PCDH11Y: variants seen among roughly 807,000 people sequenced by gnomAD.
PCDH11Y encodes protocadherin-11 Y-linked.
For synonymous variants in PCDH11Y, 9 were observed against 83.6 expected, an observed-to-expected ratio of 0.11 and a Z score of 4.87; for missense variants, 12 against 224.8, an observed-to-expected ratio of 0.05 and a Z score of 6.05.
intron 4 of PCDH11Y, among the ~76,000 whole-genome samples, chrY:5,733,924 C>A: frequency 1.2e-4 from 4 of 33,391 alleles, no homozygotes; most frequent in African/African-American, 4.7e-4. Flanking sequence ...AACCACCCTT[C>A]ACCAAGATCT....
At chrY:5,320,583 T>C (rs2053111540) in intron 2 of PCDH11Y, among the ~76,000 whole-genome samples, 1 of 33,810 alleles carries the variant, frequency 3.0e-5, no homozygotes, top group Non-Finnish European at 7.4e-5. Context: ...TTGAATATAC[T>C]GTCACAATTA....
chrY:5,646,554 T>G, intron 4 of PCDH11Y, among the ~76,000 whole-genome samples: 1 of 32,526 alleles, frequency 3.1e-5, no homozygotes, highest in African/African-American at 1.2e-4. Flanking sequence ...TCATTCCCCA[T>G]GATGAGATTA....
intron 2 of PCDH11Y, among the ~76,000 whole-genome samples, chrY:5,181,090 G>A (rs2124646947): frequency 3.0e-5 from 1 of 33,166 alleles, no homozygotes; most frequent in African/African-American, 1.2e-4. Flanking sequence ...CTTCCTTCAG[G>A]ACCTCTTGCA....
At chrY:5,397,459 C>T in intron 2 of PCDH11Y, among the ~76,000 whole-genome samples, 1 of 32,391 alleles carries the variant, frequency 3.1e-5, no homozygotes, top group Non-Finnish European at 7.5e-5. Context: ...TAGCTAGAAC[C>T]TCCAGTACAA....
chrY:5,646,353 C>T (rs207480476), intron 4 of PCDH11Y, among the ~76,000 whole-genome samples: 4 of 32,508 alleles, frequency 1.2e-4, no homozygotes, highest in African/African-American at 3.6e-4. Context: ...GAAGGGTAGC[C>T]GGGGTTTGGG....
In PCDH11Y at chrY:5,179,619, C is replaced by T. The variant is rs1602881314; in HGVS notation, c.3129+78912C>T. Among the ~76,000 whole-genome samples, 5 of 33,707 alleles carry T rather than the reference C, an allele frequency of 1.5e-4. No homozygotes were observed. The East Asian group carries it at 4.0e-3, about 27-fold the overall frequency. The allele number at this position is 33,707 out of a possible 37,273, so 90.4% of individuals were successfully genotyped here. ...TTCTTTTGCTGTGCAGAAGCTCTTTCGTTTAATTAGATCCCATTTGTCAAT... is the reference window on the plus strand; with the variant it reads ...TTCTTTTGCTGTGCAGAAGCTCTTTTGTTTAATTAGATCCCATTTGTCAAT... On this transcript the variant is annotated intron_variant, in intron 2 of 4. Transcript: ENST00000400457.
intron 2 of PCDH11Y, among the ~76,000 whole-genome samples, chrY:5,421,055 C>T (rs1602922887): frequency 2.2e-4 from 6 of 26,966 alleles, no homozygotes; most frequent in African/African-American, 8.8e-4. Flanking sequence ...AAAATACACA[C>T]ACACACACAC....
intron 1 of PCDH11Y, among the ~76,000 whole-genome samples, chrY:5,008,887 T>C: frequency 3.1e-5 from 1 of 32,289 alleles, no homozygotes; most frequent in Non-Finnish European, 7.6e-5. Context: ...TCACATTAAA[T>C]TGAATTCAAC....
At chrY:5,715,712 A>G (rs2053589576) in intron 4 of PCDH11Y, among the ~76,000 whole-genome samples, 2 of 29,607 alleles carry the variant, frequency 6.8e-5, no homozygotes, top group African/African-American at 2.6e-4. Context: ...AAGCCTGCTC[A>G]AACTATCCCT....
chrY:5,412,643 G>C, intron 2 of PCDH11Y, among the ~76,000 whole-genome samples: 2 of 33,003 alleles, frequency 6.1e-5, no homozygotes, highest in Non-Finnish European at 1.5e-4. Flanking sequence ...AACATGAAGG[G>C]AAGTTTAATT....
chrY:5,627,624 A>T, intron 4 of PCDH11Y, among the ~76,000 whole-genome samples: 1 of 31,954 alleles, frequency 3.1e-5, no homozygotes, highest in African/African-American at 1.2e-4. Flanking sequence ...TGGTCTCGTG[A>T]TCCACCCTCC....
intron 4 of PCDH11Y, among the ~76,000 whole-genome samples, chrY:5,719,495 G>A: frequency 3.0e-5 from 1 of 33,398 alleles, no homozygotes; most frequent in South Asian, 6.6e-4. Context: ...TCAAGACATT[G>A]TTTCAGAGGG....
chrY:5,341,534 T>C, intron 2 of PCDH11Y, among the ~76,000 whole-genome samples: 1 of 32,956 alleles, frequency 3.0e-5, no homozygotes, highest in Non-Finnish European at 7.4e-5. Context: ...GGAAGGCCTC[T>C]TTTGCAATAT....
chrY:5,218,210 A>G (rs2124652079), intron 2 of PCDH11Y, among the ~76,000 whole-genome samples: 1 of 32,659 alleles, frequency 3.1e-5, no homozygotes, highest in Non-Finnish European at 7.5e-5. Context: ...CCTCTACATT[A>G]AAGTTGTGTT....
chrY:5,095,856 G>A (rs2052749554), intron 1 of PCDH11Y, among the ~76,000 whole-genome samples: 2 of 33,133 alleles, frequency 6.0e-5, no homozygotes, highest in Admixed American at 2.8e-4. Flanking sequence ...GAATGCTCAC[G>A]TTTATTGTAT....
chrY:5,136,714 C>T (rs1602874213), intron 2 of PCDH11Y, among the ~76,000 whole-genome samples: 3 of 32,646 alleles, frequency 9.2e-5, no homozygotes, highest in East Asian at 1.7e-3. Context: ...GCATAGAACA[C>T]GTAGAAGAAA....
chrY:5,724,330 G>T, intron 4 of PCDH11Y, among the ~76,000 whole-genome samples: 4 of 33,779 alleles, frequency 1.2e-4, no homozygotes, highest in Non-Finnish European at 2.2e-4. Flanking sequence ...CAAATATTTA[G>T]AAATTAAACA....
intron 2 of PCDH11Y, among the ~76,000 whole-genome samples, chrY:5,234,951 T>C: frequency 3.2e-5 from 1 of 31,630 alleles, no homozygotes; most frequent in South Asian, 7.3e-4. Flanking sequence ...TCTTTAGTGA[T>C]TACATCTCTC....
intron 2 of PCDH11Y, among the ~76,000 whole-genome samples, chrY:5,303,074 C>T: frequency 4.0e-4 from 13 of 32,745 alleles, no homozygotes; most frequent in Non-Finnish European, 7.5e-4. Flanking sequence ...ATCTTCAAGT[C>T]ATTTTAAGAG....
Sources: gnomAD v4.1 joint callset for allele counts (sites outside exome capture counted in the v4.1 genomes callset) on GRCh38, gnomAD v4.1.1 for gene constraint, MANE v1.5 for transcripts, NCBI Gene and HGNC (gene_info 2026-07-23, HGNC 2026-07-21) for gene names.